ZBED6: variants seen among roughly 807,000 people sequenced by gnomAD.
The protein encoded by ZBED6 is zinc finger BED domain-containing protein 6.
A neutral mutation model predicts 58.4 loss-of-function variants in ZBED6; 40 were observed. The observed-to-expected ratio is 0.68, with a 90% CI of 0.53 to 0.89. The LOEUF (loss-of-function observed/expected upper bound fraction) is 0.89, where lower values mean the gene tolerates loss of function less well. Ranked by LOEUF, ZBED6 falls within the 40% of genes least tolerant of loss-of-function variation. ZBED6 has a pLI of 0.00. For synonymous variants in ZBED6, 439 were observed against 350.6 expected (o/e 1.25, Z -2.82); for missense variants, 1,057 against 1,003.9 (o/e 1.05, Z -0.71).
At chr1:203,801,515 T>TA (rs1670551214) in exon 1 of ZBED6, 1 of 152,584 alleles carries the variant, frequency 6.6e-6, no homozygotes, top group Non-Finnish European at 1.5e-5. Flanking sequence ...AAAAGTCTAT[T>TA]AAAAGTTTCA....
intron 9 of ZBED6, among the ~76,000 whole-genome samples, chr1:203,836,873 A>T (rs1377097944): frequency 3.3e-5 from 5 of 152,224 alleles, no homozygotes; most frequent in African/African-American, 1.2e-4. Context: ...AGAACCTTAG[A>T]TTTCTTTTCT....
intron 1 of ZBED6, among the ~76,000 whole-genome samples, chr1:203,810,651 C>T (rs905604315): frequency 6.6e-6 from 1 of 152,018 alleles, no homozygotes; most frequent in East Asian, 1.9e-4. Context: ...GATCTCCTGA[C>T]CTCGTGATCC....
At chr1:203,846,413 A>G (rs189630184) in intron 11 of ZBED6, among the ~76,000 whole-genome samples, 189 of 152,198 alleles carry the variant, frequency 1.2e-3, no homozygotes, top group Non-Finnish European at 2.4e-3. Flanking sequence ...TTTTTCTTCT[A>G]TCTTGTCACC....
Position 203,798,750 on chromosome 1 carries a change from A to G in ZBED6, c.1228A>G (p.Ile410Val), listed in dbSNP as rs1231412271. ...TTGTGGAAATCCAGTCTCAAGTCACATAAGTCAGGCAATTATCCAAATGAT... is the reference window on the plus strand; with the variant it reads ...TTGTGGAAATCCAGTCTCAAGTCACGTAAGTCAGGCAATTATCCAAATGAT... Residue 410 changes from isoleucine (I) to valine (V), a missense_variant, in exon 1 of 17, where the codon ATA (isoleucine) becomes GTA (valine). Transcript: ENST00000550078. 9.8e-6 allele frequency: 15 copies of G among 1,536,062 alleles called. No homozygotes were observed. Among genetic ancestry groups the G allele is most frequent in the African/African-American group, 2.7e-5 (2 of 73,058 alleles).
chr1:203,849,375 T>C (rs1688727324), intron 13 of ZBED6, among the ~76,000 whole-genome samples: 1 of 152,222 alleles, frequency 6.6e-6, no homozygotes. Flanking sequence ...ACAGTCTTTT[T>C]CTGGACATTC....
At chr1:203,822,275 T>C (rs1038675894) in intron 3 of ZBED6, among the ~76,000 whole-genome samples, 2 of 152,032 alleles carry the variant, frequency 1.3e-5, no homozygotes, top group African/African-American at 4.8e-5. Context: ...GCTTTTTCCT[T>C]CCTCTCAGGC....
intron 13 of ZBED6, among the ~76,000 whole-genome samples, chr1:203,848,733 A>G (rs560843324): frequency 2.0e-5 from 3 of 152,226 alleles, no homozygotes; most frequent in Non-Finnish European, 4.4e-5. Flanking sequence ...TAAAAATACA[A>G]AAAATAAAGT....
At chr1:203,803,116 T>A (rs1042828191) in intron 1 of ZBED6, 100 bp downstream of exon 1, 8 of 152,362 alleles carry the variant, frequency 5.3e-5, no homozygotes, top group African/African-American at 1.9e-4. Flanking sequence ...AAGGCCATTG[T>A]TCAGACATTT....
At chr1:203,809,172 G>GTTTTTTTT (rs33926996) in intron 1 of ZBED6, among the ~76,000 whole-genome samples, 18 of 83,268 alleles carry the variant, frequency 2.2e-4, no homozygotes, top group South Asian at 4.8e-4. Flanking sequence ...TCTTCTCACT[G>GTTTTTTTT]TTTTTTTTTT....
exon 1 of ZBED6, chr1:203,798,194 T>A: frequency 1.3e-6 from 2 of 1,536,088 alleles, no homozygotes; most frequent in Non-Finnish European, 1.7e-6. Context: ...ATCCATTAGA[T>A]GATAATAGAA....
intron 9 of ZBED6, among the ~76,000 whole-genome samples, chr1:203,834,840 C>T (rs1683724173): frequency 6.6e-6 from 1 of 151,674 alleles, no homozygotes; most frequent in South Asian, 2.1e-4. Flanking sequence ...ATGGGGTTTC[C>T]ACCATGTTGG....
chr1:203,834,071 A>C, intron 9 of ZBED6: 1 of 1,215,496 alleles, frequency 8.2e-7, no homozygotes, highest in Middle Eastern at 3.2e-4. Flanking sequence ...GACCATGACC[A>C]GCGTTTTGGA....
chr1:203,805,666 A>G, intron 1 of ZBED6: 1 of 705,928 alleles, frequency 1.4e-6, no homozygotes, highest in South Asian at 1.3e-5. Context: ...CCAGAACTCC[A>G]TCCTTGTTTT....
intron 2 of ZBED6, 109 bp from the exon 3 acceptor site, chr1:203,818,461 C>G: frequency 7.0e-7 from 1 of 1,432,528 alleles, no homozygotes; most frequent in Non-Finnish European, 9.6e-7. Context: ...CCTTACCAGT[C>G]CTTTCTTACT....
At chr1:203,800,878 T>C (rs936789462) in exon 1 of ZBED6, 1 of 153,522 alleles carries the variant, frequency 6.5e-6, no homozygotes, top group Admixed American at 6.5e-5. Flanking sequence ...CCCCTGTTTT[T>C]CTGTTTCCTT....
At chr1:203,799,149 T>A in exon 1 of ZBED6, 3 of 1,483,796 alleles carry the variant, frequency 2.0e-6, no homozygotes, top group Non-Finnish European at 1.8e-6. Context: ...TTTACAAGAA[T>A]TAAATGACCA....
intron 7 of ZBED6, among the ~76,000 whole-genome samples, chr1:203,831,176 T>C (rs762856373): frequency 1.3e-5 from 2 of 151,878 alleles, no homozygotes; most frequent in Non-Finnish European, 2.9e-5. Context: ...ACTCCCAACC[T>C]CAGGTAATCC....
intron 11 of ZBED6, among the ~76,000 whole-genome samples, chr1:203,841,909 C>A (rs1223824684): frequency 1.3e-5 from 2 of 150,788 alleles, no homozygotes; most frequent in Non-Finnish European, 2.9e-5. Context: ...AGACGCTCCT[C>A]ACCTCCCAGA....
chr1:203,800,116 C>G, exon 1 of ZBED6: 1 of 1,536,100 alleles, frequency 6.5e-7, no homozygotes, highest in Non-Finnish European at 8.7e-7. Flanking sequence ...TCTGCTGTAG[C>G]AGTTGTGGAT....
Sources: allele counts gnomAD v4.1 joint callset (sites outside exome capture counted in the v4.1 genomes callset), GRCh38; gene constraint gnomAD v4.1.1; transcripts MANE v1.5; gene names NCBI Gene and HGNC (gene_info 2026-07-23, HGNC 2026-07-21).